Variants in HSP90B1 observed in about 807,000 individuals in gnomAD.
HSP90B1 encodes endoplasmin.
Under a neutral mutation model 100.4 loss-of-function variants are expected in HSP90B1, and 27 were observed. The observed-to-expected ratio is 0.27, with a 90% confidence interval of 0.20 to 0.37. The LOEUF (loss-of-function observed/expected upper bound fraction) is 0.37, where lower values mean the gene tolerates loss of function less well. Among genes scored for constraint, HSP90B1 ranks in the 10% least tolerant of loss-of-function variants. HSP90B1 has a pLI of 1.00. For synonymous variants in HSP90B1, 304 were observed against 330.8 expected (o/e 0.92, Z 0.88); for missense variants, 678 against 960.5 (o/e 0.71, Z 3.89).
chr12:103,942,451 C>A, intron 11 of HSP90B1, 76 bp from the exon 12 acceptor site: 1 of 1,382,278 alleles, frequency 7.2e-7, no homozygotes, highest in Non-Finnish European at 1.0e-6. Flanking sequence ...GTTTTTCACA[C>A]TCCTGCCTGG....
rs879663086 is a variant in HSP90B1 at position 103,931,394 on chromosome 12, G to A, written c.50-127G>A. 1.1e-5 allele frequency: 7 copies of A among 638,046 alleles called. 1 individual carries two copies. The South Asian group carries it at 1.3e-4, about 12-fold the overall frequency. 39.5% of individuals were successfully genotyped at this position (638,046 alleles called of 1,614,324 possible). On this transcript the variant is annotated intron_variant, in intron 1 of 17. Transcript: ENST00000299767. The stretch of plus-strand genomic sequence containing the variant: ...CTTTACCTTTGGTATTTAAACCAGG[G>A]AATGCACTCTTTCATCCCCACCTCC...
chr12:103,931,700 C>T, intron 2 of HSP90B1, 77 bp downstream of exon 2: 2 of 1,036,162 alleles, frequency 1.9e-6, no homozygotes, highest in Non-Finnish European at 1.5e-6. Context: ...TTATGTATCT[C>T]TTCTCCAAAG....
rs753070604 is a variant in HSP90B1 at position 103,943,033 on chromosome 12, G to C, written c.1645-41G>C. On this transcript the variant is annotated intron_variant, in intron 12 of 17. Transcript: ENST00000299767. The surrounding 1 kb of genome is among the most constrained non-coding windows in gnomAD (Gnocchi z 5.3). ...GCTGCTAGGATAAACAAATACACCA[G>C]GGCCAGACTTGGAAAACTTTGTGAC... The C allele has an allele frequency of 1.4e-5, 23 of 1,607,948 alleles. No individual in the cohort carries two copies. Among genetic ancestry groups the C allele is most frequent in the Non-Finnish European group, 2.0e-5 (23 of 1,177,132 alleles).
chr12:103,938,638 T>A, intron 7 of HSP90B1, 179 bp downstream of exon 7: 1 of 514,224 alleles, frequency 1.9e-6, no homozygotes, highest in Non-Finnish European at 3.3e-6. Flanking sequence ...CTGTAGAAAG[T>A]TTTAAGTATC....
chr12:103,942,328 G>A (rs192286121), intron 11 of HSP90B1, among the ~76,000 whole-genome samples, 199 bp from the exon 12 acceptor site: 1 of 152,282 alleles, frequency 6.6e-6, no homozygotes, highest in Admixed American at 6.5e-5. Context: ...AAACATTAAG[G>A]CAATCTTGTG....
intron 2 of HSP90B1, 22 bp downstream of exon 2, chr12:103,931,645 C>T (rs116300003): frequency 1.9e-5 from 29 of 1,521,630 alleles, no homozygotes; most frequent in African/African-American, 5.5e-5. Flanking sequence ...TTTGAACTTA[C>T]GTATACAGAT....
rs1555271830 is a variant in HSP90B1 at position 103,947,728 on chromosome 12, G to C, written c.*66G>C. The stretch of plus-strand genomic sequence containing the variant: ...GTGAAATTTACATCATTTCTTTTTG[G>C]GAGAGACTTGTTTTGGATGCCCCCT... On this transcript the variant is annotated 3_prime_UTR_variant, in exon 18 of 18. Transcript: ENST00000299767. 5.1e-6 allele frequency: 7 copies of C among 1,373,452 alleles called. No homozygotes were observed. In the South Asian group the frequency reaches 7.0e-5, roughly 14 times the overall value. The allele number at this position is 1,373,452 out of a possible 1,614,324, so 85.1% of individuals were successfully genotyped here.
At chr12:103,939,726 G>C (rs1266881032) in intron 8 of HSP90B1, 101 bp downstream of exon 8, 1 of 549,648 alleles carries the variant, frequency 1.8e-6, no homozygotes, top group Non-Finnish European at 3.2e-6. Context: ...AATATGAGAT[G>C]GTCCATTCCC....
At chr12:103,946,507 A>AT (rs374207514) in intron 14 of HSP90B1, 111 bp from the exon 15 acceptor site, 17,503 of 578,612 alleles carry the variant, frequency 0.03, 2 homozygotes, top group East Asian at 0.036. Flanking sequence ...GTACATTTTG[A>AT]TTTTTTTTTT....
rs1375815469 is a variant in HSP90B1 at position 103,947,811 on chromosome 12, G to T, written c.*149G>T. On this transcript the variant is annotated 3_prime_UTR_variant, in exon 18 of 18. Transcript: ENST00000299767. ...GATTATGGGTCACAGGAAAAAGTGG[G>T]TTTTTTAGTTGAATTTTTTTTAACA... The T allele has an allele frequency of 1.4e-6, 1 of 711,008 alleles. No homozygotes were observed. The highest frequency in any genetic ancestry group is 2.5e-6 in the Non-Finnish European group (1 of 396,588). The allele number at this position is 711,008 out of a possible 1,614,324, so 44.0% of individuals were successfully genotyped here.
Position 103,930,473 on chromosome 12 carries a change from C to T in HSP90B1, c.-43C>T, listed in dbSNP as rs369259960. The T allele has an allele frequency of 7.6e-6, 12 of 1,570,626 alleles. No homozygotes were observed. In the Admixed American group the frequency reaches 9.0e-5, roughly 12 times the overall value. ...ACCCAGGGGTGGGGGGTGGAGGCGG[C>T]TCCTGCGATCGAAGGGGACTTGAGA... On this transcript the variant is annotated 5_prime_UTR_variant, in exon 1 of 18. Coordinates refer to ENST00000299767, the MANE Select transcript of HSP90B1 (RefSeq NM_003299.3). This position sits in a 1 kb window ranked among gnomAD's most constrained non-coding sequence, Gnocchi z 4.4.
chr12:103,947,091 T>A, intron 16 of HSP90B1, 150 bp downstream of exon 16: 1 of 1,068,296 alleles, frequency 9.4e-7, no homozygotes, highest in Non-Finnish European at 1.4e-6. Flanking sequence ...TTTGAATCCC[T>A]GTAGTGTCAG....
chr12:103,946,198 G>A (rs975193936), intron 14 of HSP90B1, among the ~76,000 whole-genome samples: 3 of 151,694 alleles, frequency 2.0e-5, no homozygotes, highest in Admixed American at 6.6e-5. Context: ...TTTTCAATCC[G>A]AGGTTGATTG....
At position 103,947,368 on chromosome 12, in the gene HSP90B1, A is replaced by G. The variant is rs770142573; in HGVS notation, c.2320A>G (p.Thr774Ala). ...GACAGCAGAAGACACAACAGAAGACACAGAGCAAGACGAAGATGAAGAAAT... is the reference window on the plus strand; with the variant it reads ...GACAGCAGAAGACACAACAGAAGACGCAGAGCAAGACGAAGATGAAGAAAT... ...EETAEDTTEDTEQDEDEEMDV... is the reference protein window; with the variant it reads ...EETAEDTTEDAEQDEDEEMDV... Residue 774 changes from threonine (T) to alanine (A), a missense_variant, in exon 17 of 18, where the codon ACA becomes GCA. This residue lies in a region of HSP90B1 where 65 missense variants were observed against 65.1 expected (regional missense o/e 1.00). Transcript: ENST00000299767. 1.2e-6 allele frequency: 2 copies of G among 1,609,346 alleles called. No individual in the cohort carries two copies. Among genetic ancestry groups the G allele is most frequent in the African/African-American group, 2.7e-5 (2 of 74,950 alleles).
At chr12:103,939,911 TAA>T (rs1322240396) in intron 8 of HSP90B1, among the ~76,000 whole-genome samples, 3 of 152,218 alleles carry the variant, frequency 2.0e-5, no homozygotes, top group African/African-American at 7.2e-5. Flanking sequence ...CATTTTTACT[TAA>T]GTTGAATTAT....
At chr12:103,945,084 A>G (rs2583261) in intron 14 of HSP90B1, among the ~76,000 whole-genome samples, 26,470 of 152,216 alleles carry the variant, frequency 0.17, 2,557 homozygotes, top group Middle Eastern at 0.25. Flanking sequence ...AAGACTTACT[A>G]TGTCCATGCA....
intron 7 of HSP90B1, among the ~76,000 whole-genome samples, chr12:103,939,241 A>AGACACACGCCACCAACT (rs1870007503): frequency 6.6e-6 from 1 of 151,970 alleles, no homozygotes; most frequent in Non-Finnish European, 1.5e-5. Flanking sequence ...CTAGGACCAC[A>AGACACACGCCACCAACT]GACACACGCC....
At chr12:103,947,455 T>C in intron 17 of HSP90B1, 25 bp downstream of exon 17, 1 of 1,614,072 alleles carries the variant, frequency 6.2e-7, no homozygotes, top group Non-Finnish European at 8.5e-7. Context: ...GAATGTGACT[T>C]GCATTTTCAG....
At position 103,937,682 on chromosome 12, in the gene HSP90B1, A is replaced by G; in HGVS notation, c.744-13A>G. The G allele has an allele frequency of 1.4e-6, 2 of 1,393,338 alleles. No homozygotes were observed. Among genetic ancestry groups the G allele is most frequent in the Non-Finnish European group, 2.0e-6 (2 of 982,228 alleles). 86.3% of individuals were successfully genotyped at this position (1,393,338 alleles called of 1,614,324 possible). ...AATGTTAGGTGTCTCTAAACATCGA[A>G]TTTTTCTTGCAGCCTTGTCTTAAAA... On this transcript the variant is annotated splice_polypyrimidine_tract_variant and intron_variant, in intron 5 of 17. Transcript: ENST00000299767.
Sources: gnomAD v4.1 joint callset for allele counts (sites outside exome capture counted in the v4.1 genomes callset) on GRCh38, gnomAD v4.1.1 for gene constraint, gnomAD v4.1.1 regional missense constraint, Gnocchi (gnomAD v3.1) non-coding constraint, MANE v1.5 for transcripts, NCBI Gene and HGNC (gene_info 2026-07-23, HGNC 2026-07-21) for gene names.